The following ROBO1 variants were observed in gnomAD, a reference collection of about 807,000 sequenced individuals.
ROBO1 encodes the protein roundabout guidance receptor 1, also known as roundabout homolog 1.
Under a neutral mutation model 195.9 loss-of-function variants are expected in ROBO1, and 149 were observed. The ratio of observed to expected loss-of-function variants is 0.76; its 90% CI spans 0.67 to 0.87. The LOEUF (loss-of-function observed/expected upper bound fraction) is 0.87. Among genes scored for constraint, ROBO1 ranks in the 40% least tolerant of loss-of-function variants. The probability of loss-of-function intolerance (pLI) is 0.00; values close to 1 mark genes in which losing one functional copy is unlikely to be tolerated. For synonymous variants in ROBO1, 816 were observed against 733.2 expected, an observed-to-expected ratio of 1.11 and a Z score of -1.82; for missense variants, 1,933 against 2,068.3, an observed-to-expected ratio of 0.93 and a Z score of 1.27.
At chr3:78,882,092 T>C (rs1213996911) in intron 4 of ROBO1, among the ~76,000 whole-genome samples, 2 of 152,138 alleles carry the variant, frequency 1.3e-5, no homozygotes, top group African/African-American at 4.8e-5. Flanking sequence ...GGATACCTTT[T>C]CTTATTTTTT....
chr3:78,820,191 T>C (rs1185287749), intron 4 of ROBO1, among the ~76,000 whole-genome samples: 1 of 152,238 alleles, frequency 6.6e-6, no homozygotes, highest in East Asian at 1.9e-4. Context: ...AGAGAACAAT[T>C]TGCTCACTCT....
chr3:79,384,486 T>C (rs1449646765), intron 2 of ROBO1, among the ~76,000 whole-genome samples: 1 of 151,900 alleles, frequency 6.6e-6, no homozygotes, highest in African/African-American at 2.4e-5. Flanking sequence ...ATATAAGAAT[T>C]GGAAAAATTA....
At chr3:79,567,054 C>T (rs569682916) in intron 2 of ROBO1, among the ~76,000 whole-genome samples, 1 of 152,184 alleles carries the variant, frequency 6.6e-6, no homozygotes, top group South Asian at 2.1e-4. Flanking sequence ...ATATCTAGAC[C>T]ATGGAATACT....
intron 2 of ROBO1, among the ~76,000 whole-genome samples, chr3:79,354,596 T>C (rs1199336976): frequency 6.6e-6 from 1 of 152,074 alleles, no homozygotes; most frequent in Non-Finnish European, 1.5e-5. Context: ...AGTGGCGCAA[T>C]AACAATTCAA....
At chr3:79,119,448 G>C (rs1348430491) in intron 3 of ROBO1, among the ~76,000 whole-genome samples, 1 of 152,020 alleles carries the variant, frequency 6.6e-6, no homozygotes, top group Non-Finnish European at 1.5e-5. Flanking sequence ...GCTAATTTCT[G>C]TCTCATTTGC....
chr3:78,983,358 A>G (rs2077039501), intron 3 of ROBO1, among the ~76,000 whole-genome samples: 1 of 152,204 alleles, frequency 6.6e-6, no homozygotes, highest in Non-Finnish European at 1.5e-5. Context: ...AAGGGAACAC[A>G]AAAACAATTT....
chr3:79,263,372 G>C (rs181492976), intron 2 of ROBO1, among the ~76,000 whole-genome samples: 1 of 152,010 alleles, frequency 6.6e-6, no homozygotes, highest in Non-Finnish European at 1.5e-5. Flanking sequence ...ATCAGGGCTG[G>C]GTGCCATGGC....
At chr3:79,611,407 T>C (rs1204324314) in intron 1 of ROBO1, among the ~76,000 whole-genome samples, 2 of 152,076 alleles carry the variant, frequency 1.3e-5, no homozygotes, top group African/African-American at 2.4e-5. Context: ...ATCGATGGGA[T>C]ATTATTTTTC....
Position 79,518,758 on chromosome 3 carries a change from G to C in ROBO1, c.88+71066C>G, listed in dbSNP as rs1212023826. Among the ~76,000 whole-genome samples, 4 of 151,750 alleles carry C rather than the reference G, an allele frequency of 2.6e-5. No individual in the cohort carries two copies. In the East Asian group the frequency reaches 7.7e-4, roughly 29 times the overall value. On this transcript the variant is annotated intron_variant, in intron 2 of 30. Transcript: ENST00000464233. ...TGCAATGGTGCGATCTCGGCTCACT[G>C]CCTCCCGGGTTCAAGCAATTCTCCT... is the stretch of plus-strand genomic sequence containing the variant.
chr3:79,177,106 A>C (rs529488002), intron 2 of ROBO1, among the ~76,000 whole-genome samples: 1 of 152,038 alleles, frequency 6.6e-6, no homozygotes, highest in African/African-American at 2.4e-5. Context: ...AAATTTCAGT[A>C]CTTTTTTTAA....
intron 1 of ROBO1, among the ~76,000 whole-genome samples, chr3:79,638,491 G>C (rs1336158548): frequency 1.3e-5 from 2 of 152,102 alleles, no homozygotes; most frequent in Non-Finnish European, 2.9e-5. Context: ...CCTGGCTCAG[G>C]ATGGTCTTGA....
chr3:79,634,463 T>C (rs1325117182), intron 1 of ROBO1, among the ~76,000 whole-genome samples: 1 of 152,192 alleles, frequency 6.6e-6, no homozygotes, highest in Non-Finnish European at 1.5e-5. Flanking sequence ...TCCCAAGATA[T>C]AGTTATCTCA....
At chr3:79,045,810 C>T (rs1374405665) in intron 3 of ROBO1, among the ~76,000 whole-genome samples, 1 of 152,074 alleles carries the variant, frequency 6.6e-6, no homozygotes, top group African/African-American at 2.4e-5. Flanking sequence ...AATTCTTAGT[C>T]AATATGGCAG....
intron 2 of ROBO1, among the ~76,000 whole-genome samples, chr3:79,439,268 T>C (rs1264553310): frequency 1.3e-5 from 2 of 152,012 alleles, no homozygotes; most frequent in Non-Finnish European, 2.9e-5. Context: ...ATAACTGACA[T>C]CAACTCAACA....
intron 2 of ROBO1, among the ~76,000 whole-genome samples, chr3:79,525,380 T>C (rs1356658638): frequency 6.7e-6 from 1 of 149,714 alleles, no homozygotes; most frequent in East Asian, 1.9e-4. Flanking sequence ...TTATTGAAAA[T>C]ATTATGAGAA....
At chr3:78,629,206 A>G (rs1705016008) in intron 25 of ROBO1, among the ~76,000 whole-genome samples, 1 of 152,164 alleles carries the variant, frequency 6.6e-6, no homozygotes, top group African/African-American at 2.4e-5. Context: ...ATTTGTCCAG[A>G]TCAAGAACAA....
chr3:79,181,645 C>T (rs762211038), intron 2 of ROBO1, among the ~76,000 whole-genome samples: 4 of 151,802 alleles, frequency 2.6e-5, no homozygotes, highest in Non-Finnish European at 4.4e-5. Context: ...AATATTTTAC[C>T]TTAATGTAAG....
At chr3:79,290,584 C>A (rs2032186399) in intron 2 of ROBO1, among the ~76,000 whole-genome samples, 1 of 152,150 alleles carries the variant, frequency 6.6e-6, no homozygotes, top group Non-Finnish European at 1.5e-5. Flanking sequence ...CCTCTCTCTA[C>A]TGTGGACCCA....
Position 79,397,623 on chromosome 3 carries a change from G to A in ROBO1, c.88+192201C>T, listed in dbSNP as rs76029459. ...CAACTAAACACATAAGCAGACCATCGATCACACCAATTAACTACAACCTAT... is the reference window on the plus strand; with the variant it reads ...CAACTAAACACATAAGCAGACCATCAATCACACCAATTAACTACAACCTAT... On this transcript the variant is annotated intron_variant, in intron 2 of 30. Transcript: ENST00000464233. Among the ~76,000 whole-genome samples the A allele has an allele frequency of 2.4e-3, 370 of 152,150 alleles. 2 individuals are homozygous for A. The highest frequency in any genetic ancestry group is 7.6e-3 in the African/African-American group (314 of 41,510).
Sources: allele counts gnomAD v4.1 joint callset (sites outside exome capture counted in the v4.1 genomes callset), GRCh38; gene constraint gnomAD v4.1.1; transcripts MANE v1.5; gene names NCBI Gene and HGNC (gene_info 2026-07-23, HGNC 2026-07-21).